The following CWF19L2 variants were observed in gnomAD, a reference collection of about 807,000 sequenced individuals.
CWF19L2 encodes CWF19 like cell cycle control factor 2.
A neutral mutation model predicts 111.7 loss-of-function variants in CWF19L2; 98 were observed. That is an observed-to-expected ratio of 0.88 (90% confidence interval 0.75 to 1.04). The LOEUF (loss-of-function observed/expected upper bound fraction) is 1.04. CWF19L2 is among the 50% of genes least tolerant of loss of function. CWF19L2 has a pLI of 0.00. For synonymous variants in CWF19L2, 351 were observed against 342.9 expected, an observed-to-expected ratio of 1.02 and a Z score of -0.26; for missense variants, 1,101 against 1,051.4, an observed-to-expected ratio of 1.05 and a Z score of -0.65.
intron 10 of CWF19L2, among the ~76,000 whole-genome samples, chr11:107,400,029 A>G (rs12807553): frequency 6.6e-5 from 10 of 152,048 alleles, no homozygotes; most frequent in African/African-American, 2.4e-4. Context: ...AAAGACGGTA[A>G]TGACACAACC....
chr11:107,329,786 C>T (rs1047960346), intron 17 of CWF19L2, 132 bp downstream of exon 17: 1 of 530,248 alleles, frequency 1.9e-6, no homozygotes, highest in African/African-American at 1.9e-5. Flanking sequence ...CTAGGTATTC[C>T]CTCTCTAAAA....
At chr11:107,423,009 C>A (rs142398565) in intron 8 of CWF19L2, among the ~76,000 whole-genome samples, 1 of 152,010 alleles carries the variant, frequency 6.6e-6, no homozygotes, top group Non-Finnish European at 1.5e-5. Context: ...TTATTTCAGT[C>A]ATTTTAAAAA....
chr11:107,431,851 G>T (rs1277403110), intron 7 of CWF19L2, among the ~76,000 whole-genome samples: 1 of 152,108 alleles, frequency 6.6e-6, no homozygotes, highest in African/African-American at 2.4e-5. Context: ...TTTCAAATTA[G>T]TGAGAAAAAA....
chr11:107,425,533 T>C (rs1309279405), intron 8 of CWF19L2, among the ~76,000 whole-genome samples: 1 of 151,964 alleles, frequency 6.6e-6, no homozygotes, highest in Admixed American at 6.6e-5. Context: ...CACACTACGC[T>C]GTCCACACAA....
At chr11:107,368,275 A>G (rs1169013266) in intron 12 of CWF19L2, among the ~76,000 whole-genome samples, 1 of 138,040 alleles carries the variant, frequency 7.2e-6, no homozygotes, top group Non-Finnish European at 1.6e-5. Flanking sequence ...GATATCACAG[A>G]AATACAAAAG....
At position 107,440,134 on chromosome 11, in the gene CWF19L2, T is replaced by C. The variant is rs538053172; in HGVS notation, c.571-951A>G. ...GAAAGACAATCAAGCAATATAAATA[T>C]AGGTATGTGAGATCAAAGTAAAGGG... is the stretch of plus-strand genomic sequence containing the variant. On this transcript the variant is annotated intron_variant, in intron 5 of 17. Coordinates refer to ENST00000282251, the MANE Select transcript of CWF19L2 (RefSeq NM_152434.3). Among the ~76,000 whole-genome samples the C allele has an allele frequency of 2.6e-5, 4 of 152,156 alleles. No individual in the cohort carries two copies. In the South Asian group the frequency reaches 8.3e-4, roughly 32 times the overall value.
At chr11:107,348,028 A>G (rs1860106442) in intron 14 of CWF19L2, among the ~76,000 whole-genome samples, 1 of 152,080 alleles carries the variant, frequency 6.6e-6, no homozygotes, top group Admixed American at 6.6e-5. Flanking sequence ...AGGAAAACGC[A>G]AACTTTCACA....
intron 4 of CWF19L2, among the ~76,000 whole-genome samples, chr11:107,442,728 A>AAG (rs879630998): frequency 0.013 from 1,381 of 110,358 alleles, 44 homozygotes; most frequent in East Asian, 0.083. Flanking sequence ...GAGAAAGAGA[A>AAG]AGAAAGAAAG....
chr11:107,456,985 T>A (rs1861864607), intron 1 of CWF19L2, among the ~76,000 whole-genome samples: 2 of 152,204 alleles, frequency 1.3e-5, no homozygotes, highest in Admixed American at 1.3e-4. Flanking sequence ...TTAAAACTCT[T>A]CCAACTTAAA....
At chr11:107,378,045 T>C (rs1374277956) in intron 12 of CWF19L2, among the ~76,000 whole-genome samples, 2 of 151,590 alleles carry the variant, frequency 1.3e-5, no homozygotes, top group East Asian at 3.9e-4. Context: ...ATCAGAGAAA[T>C]GCAAATCAAA....
At chr11:107,327,302 G>T (rs756338846) in intron 17 of CWF19L2, among the ~76,000 whole-genome samples, 2 of 152,054 alleles carry the variant, frequency 1.3e-5, no homozygotes, top group Non-Finnish European at 2.9e-5. Context: ...TTGCTTATTA[G>T]CACATCTACT....
chr11:107,456,102 C>T (rs1382788010), intron 1 of CWF19L2, among the ~76,000 whole-genome samples: 1 of 152,174 alleles, frequency 6.6e-6, no homozygotes, highest in Non-Finnish European at 1.5e-5. Flanking sequence ...TTTCCCTTCA[C>T]CATTCCCATG....
chr11:107,337,409 GTA>G (rs1180599027), intron 14 of CWF19L2, among the ~76,000 whole-genome samples: 1 of 127,608 alleles, frequency 7.8e-6, no homozygotes, highest in Non-Finnish European at 1.7e-5. Context: ...GTGTGTGTGT[GTA>G]TTTCACACTC....
At chr11:107,408,465 C>T (rs551183272) in intron 10 of CWF19L2, among the ~76,000 whole-genome samples, 17 of 151,900 alleles carry the variant, frequency 1.1e-4, no homozygotes, top group South Asian at 4.1e-4. Flanking sequence ...CACCATTTCA[C>T]GATGAATTTT....
intron 14 of CWF19L2, among the ~76,000 whole-genome samples, chr11:107,339,765 G>C (rs621612): frequency 6.7e-6 from 1 of 149,948 alleles, no homozygotes. Flanking sequence ...TCCCAGGTTC[G>C]GGTGATTCTC....
chr11:107,447,539 C>G (rs1347039321), intron 3 of CWF19L2, among the ~76,000 whole-genome samples: 2 of 152,190 alleles, frequency 1.3e-5, no homozygotes, highest in East Asian at 1.9e-4. Flanking sequence ...TGACAATCAG[C>G]AGAGAACCCA....
At chr11:107,333,118 A>G (rs1859874113) in intron 16 of CWF19L2, among the ~76,000 whole-genome samples, 1 of 151,956 alleles carries the variant, frequency 6.6e-6, no homozygotes, top group African/African-American at 2.4e-5. Context: ...AGGGATCTCA[A>G]GAGGTCATCT....
rs10890719 is a variant in CWF19L2, at chr11:107,333,357, A to G, written c.2439+1524T>C. Reference sequence around the variant, plus strand: ...GGAGCTTTTAAAAAAGAAACAAATAATAAGATACTAGACATTTCACCAGTA... The same window carrying G: ...GGAGCTTTTAAAAAAGAAACAAATAGTAAGATACTAGACATTTCACCAGTA... On this transcript the variant is annotated intron_variant, in intron 16 of 17. Coordinates refer to ENST00000282251, the MANE Select transcript of CWF19L2 (RefSeq NM_152434.3). Among the ~76,000 whole-genome samples, 6 of 152,072 alleles carry G rather than the reference A, an allele frequency of 3.9e-5. No individual in the cohort carries two copies. The South Asian group carries it at 1.2e-3, about 31-fold the overall frequency.
At chr11:107,360,533 T>C (rs1860311140) in intron 12 of CWF19L2, among the ~76,000 whole-genome samples, 1 of 152,242 alleles carries the variant, frequency 6.6e-6, no homozygotes, top group Non-Finnish European at 1.5e-5. Flanking sequence ...ATGATAGTTC[T>C]ACTTTTAGTT....
Sources: allele counts gnomAD v4.1 joint callset (sites outside exome capture counted in the v4.1 genomes callset), GRCh38; gene constraint gnomAD v4.1.1; transcripts MANE v1.5; gene names NCBI Gene and HGNC (gene_info 2026-07-23, HGNC 2026-07-21).